Variants in CD8B observed in about 807,000 individuals in gnomAD.
CD8B encodes the protein T-cell surface glycoprotein CD8 beta chain.
CD8B carries 6 observed loss-of-function variants against 24.2 expected under a neutral mutation model. The ratio of observed to expected loss-of-function variants is 0.25; its 90% CI spans 0.14 to 0.49. The LOEUF (loss-of-function observed/expected upper bound fraction) is 0.49, where lower values mean the gene tolerates loss of function less well. Ranked by LOEUF, CD8B falls within the 20% of genes least tolerant of loss-of-function variation. The probability of loss-of-function intolerance (pLI) is 0.98; values close to 1 mark genes in which losing one functional copy is unlikely to be tolerated. For synonymous variants in CD8B, 84 were observed against 108.3 expected, an observed-to-expected ratio of 0.78 and a Z score of 1.39; for missense variants, 196 against 271.3, an observed-to-expected ratio of 0.72 and a Z score of 1.95.
intron 1 of CD8B, among the ~76,000 whole-genome samples, chr2:86,861,255 A>G (rs1431573313): frequency 6.6e-6 from 1 of 151,532 alleles, no homozygotes; most frequent in African/African-American, 2.4e-5. Flanking sequence ...CAACAACCCA[A>G]CCTCCAGGCT....
chr2:86,857,795 G>C (rs115186646), intron 2 of CD8B, among the ~76,000 whole-genome samples: 2,176 of 152,286 alleles, frequency 0.014, 54 homozygotes, highest in African/African-American at 0.05. Flanking sequence ...GTCTCTTCTA[G>C]TTTCATCTTA....
At chr2:86,852,829 CTG>C (rs1421642368) in intron 3 of CD8B, among the ~76,000 whole-genome samples, 166 bp downstream of exon 3, 1 of 151,518 alleles carries the variant, frequency 6.6e-6, no homozygotes, top group Non-Finnish European at 1.5e-5. Context: ...TCCCACGAGA[CTG>C]TGAGTTGCTG....
At chr2:86,821,449 G>A (rs1467405593) in intron 5 of CD8B, among the ~76,000 whole-genome samples, 1 of 152,192 alleles carries the variant, frequency 6.6e-6, no homozygotes, top group African/African-American at 2.4e-5. Flanking sequence ...TCAGCCGACG[G>A]GAGCTTTGTT....
At chr2:86,860,953 G>C (rs1676551253) in intron 1 of CD8B, among the ~76,000 whole-genome samples, 1 of 152,192 alleles carries the variant, frequency 6.6e-6, no homozygotes, top group Non-Finnish European at 1.5e-5. Flanking sequence ...GTTCCCCTCG[G>C]TAACCCAGGA....
chr2:86,856,391 C>T (rs1028052534), intron 2 of CD8B, among the ~76,000 whole-genome samples: 129 of 152,274 alleles, frequency 8.5e-4, no homozygotes, highest in African/African-American at 3.0e-3. Context: ...AACCCCAAAC[C>T]CCAAACTCCC....
At chr2:86,846,940 T>C (rs1253660977) in intron 3 of CD8B, among the ~76,000 whole-genome samples, 167 bp from the exon 4 acceptor site, 2 of 129,938 alleles carry the variant, frequency 1.5e-5, no homozygotes, top group East Asian at 2.2e-4. Flanking sequence ...TTTTTTTTTT[T>C]TTTTTTTTTT....
At chr2:86,816,664 A>G (rs1407299560) in intron 5 of CD8B, among the ~76,000 whole-genome samples, 1 of 152,232 alleles carries the variant, frequency 6.6e-6, no homozygotes, top group African/African-American at 2.4e-5. Flanking sequence ...TTGGCTTCCC[A>G]TGTGGGAAAA....
chr2:86,855,556 C>T (rs11688534), intron 2 of CD8B, among the ~76,000 whole-genome samples: 76,861 of 152,052 alleles, frequency 0.51, 19,912 homozygotes, highest in East Asian at 0.64. Flanking sequence ...CACTACCTCA[C>T]GTGCAAAGAT....
At chr2:86,846,912 T>C (rs1357236401) in intron 3 of CD8B, 139 bp from the exon 4 acceptor site, 3 of 570,208 alleles carry the variant, frequency 5.3e-6, no homozygotes, top group Non-Finnish European at 9.5e-6. Flanking sequence ...CGATGTAATG[T>C]ATTTTTCCTC....
At chr2:86,844,170 G>T (rs1242879425) in intron 5 of CD8B, among the ~76,000 whole-genome samples, 1 of 151,940 alleles carries the variant, frequency 6.6e-6, no homozygotes, top group Non-Finnish European at 1.5e-5. Flanking sequence ...AACTTGCAAA[G>T]GTGGTGACTA....
intron 3 of CD8B, among the ~76,000 whole-genome samples, chr2:86,848,726 T>TTATTTATTTATTTATA: frequency 8.0e-6 from 1 of 124,988 alleles, no homozygotes; most frequent in African/African-American, 3.4e-5. Flanking sequence ...ATTTATTTAT[T>TTATTTATTTATTTATA]TATTTTTGAG....
downstream of CD8B, among the ~76,000 whole-genome samples, chr2:86,837,109 A>T (rs1159869828): frequency 6.6e-6 from 1 of 152,254 alleles, no homozygotes; most frequent in Non-Finnish European, 1.5e-5. Context: ...GTGAGCTATA[A>T]GTGCGCCACT....
At position 86,840,651 on chromosome 2, in the gene CD8B, G is replaced by A. The variant is rs1675380170; in HGVS notation, c.*1656C>T. ...GCTTAGGGTCCACTCCTACCATGTG[G>A]AGTGCTTTCTCACTTCAATAAATTC... is the stretch of plus-strand genomic sequence containing the variant. On this transcript the variant is annotated 3_prime_UTR_variant, in exon 6 of 6. Coordinates refer to ENST00000390655, the MANE Select transcript of CD8B (RefSeq NM_004931.5). 1.3e-5 allele frequency among the ~76,000 whole-genome samples: 2 copies of A among 152,214 alleles called. No individual in the cohort carries two copies. The highest frequency in any genetic ancestry group is 2.9e-5 in the Non-Finnish European group (2 of 68,030).
At chr2:86,834,989 C>G (rs1451703101), downstream of CD8B, among the ~76,000 whole-genome samples, 3 of 151,528 alleles carry the variant, frequency 2.0e-5, no homozygotes, top group Admixed American at 6.6e-5. Flanking sequence ...CCCGCCCCAC[C>G]AAATCGCCTG....
chr2:86,860,777 C>T (rs934609739), intron 1 of CD8B, among the ~76,000 whole-genome samples: 5 of 152,202 alleles, frequency 3.3e-5, no homozygotes, highest in African/African-American at 9.6e-5. Flanking sequence ...GAAGCGACTC[C>T]TGTAAGAGCA....
intron 5 of CD8B, among the ~76,000 whole-genome samples, chr2:86,826,604 C>T (rs186505831): frequency 6.6e-6 from 1 of 152,198 alleles, no homozygotes; most frequent in East Asian, 1.9e-4. Flanking sequence ...TGTATAGATA[C>T]CTTACTGTGC....
At chr2:86,826,492 C>A (rs554301092) in intron 5 of CD8B, among the ~76,000 whole-genome samples, 29 of 152,162 alleles carry the variant, frequency 1.9e-4, no homozygotes, top group African/African-American at 6.7e-4. Flanking sequence ...AACAAAAGAC[C>A]TATGGGAGAG....
At position 86,858,556 on chromosome 2, in the gene CD8B, G is replaced by A. The variant is rs373347663; in HGVS notation, c.44-140C>T. ...ACTGGGTCCAGGGAGTGTGTTGAGCGCAGCTGTTGGCTCCTGGACTCAGAG... is the reference window on the plus strand; with the variant it reads ...ACTGGGTCCAGGGAGTGTGTTGAGCACAGCTGTTGGCTCCTGGACTCAGAG... On this transcript the variant is annotated intron_variant, in intron 1 of 5. Coordinates refer to ENST00000390655, the MANE Select transcript of CD8B (RefSeq NM_004931.5). 43 of 1,433,640 alleles carry A rather than the reference G, an allele frequency of 3.0e-5. No homozygotes were observed. The African/African-American group carries it at 4.0e-4, about 13-fold the overall frequency. The allele number at this position is 1,433,640 out of a possible 1,614,324, so 88.8% of individuals were successfully genotyped here. A position where few individuals can be genotyped will look rare whatever the true frequency, so the allele number is the denominator to read the frequency against.
chr2:86,822,472 C>A, intron 5 of CD8B: 1 of 716,326 alleles, frequency 1.4e-6, no homozygotes, highest in Non-Finnish European at 2.4e-6. Context: ...ATAATGCATT[C>A]AATATAATTT....
Sources: gnomAD v4.1 joint callset for allele counts (sites outside exome capture counted in the v4.1 genomes callset) on GRCh38, gnomAD v4.1.1 for gene constraint, MANE v1.5 for transcripts, NCBI Gene and HGNC (gene_info 2026-07-23, HGNC 2026-07-21) for gene names.